CCDC42: variants seen among roughly 807,000 people sequenced by gnomAD.
CCDC42 encodes the protein coiled-coil domain-containing protein 42.
In CCDC42, 38 loss-of-function variants were observed where a neutral mutation model predicts 40.8. The ratio of observed to expected loss-of-function variants is 0.93; its 90% CI spans 0.72 to 1.22. CCDC42 has a LOEUF of 1.22. Among genes scored for constraint, CCDC42 ranks in the 50% most tolerant of loss-of-function variants. CCDC42 has a pLI of 0.00. For missense variants in CCDC42, 379 were observed against 416.5 expected, an observed-to-expected ratio of 0.91 and a Z score of 0.78; for synonymous variants, 135 against 157.5, an observed-to-expected ratio of 0.86 and a Z score of 1.07.
chr17:8,732,204 C>A (rs1194926278), intron 6 of CCDC42, among the ~76,000 whole-genome samples: 1 of 145,354 alleles, frequency 6.9e-6, no homozygotes. Flanking sequence ...GAGGCTGAGG[C>A]AGGAGAATGG....
chr17:8,743,724 GAAACATCTTT>G lies in CCDC42; in HGVS notation c.190-4_195del. 7.3e-7 allele frequency: 1 copy of G among 1,375,730 alleles called. No individual in the cohort carries two copies. Among genetic ancestry groups the G allele is most frequent in the African/African-American group, 1.4e-5 (1 of 70,336 alleles). The allele number at this position is 1,375,730 out of a possible 1,614,324, so 85.2% of individuals were successfully genotyped here. A position where few individuals can be genotyped will look rare whatever the true frequency, so the allele number is the denominator to read the frequency against. Reference sequence around the variant, plus strand: ...AGGTTCAGGGTTTCCATTCTGCGCTGAAACATCTTTGGGGTGGGGGTGGGAGAGCAGAGAG... The same window carrying G: ...AGGTTCAGGGTTTCCATTCTGCGCTGGGGGTGGGGGTGGGAGAGCAGAGAG... On this transcript the variant is annotated splice_acceptor_variant and splice_polypyrimidine_tract_variant and coding_sequence_variant and intron_variant, in exon 3 of 7. Transcript: ENST00000293845. LOFTEE classifies it high-confidence loss of function.
chr17:8,739,700 G>A (rs998148388), intron 4 of CCDC42, among the ~76,000 whole-genome samples: 2 of 152,070 alleles, frequency 1.3e-5, no homozygotes, highest in Non-Finnish European at 2.9e-5. Context: ...TTGCCATCAC[G>A]GCCAGCTAGT....
At chr17:8,741,743 C>A in intron 3 of CCDC42, 72 bp from the exon 4 acceptor site, 1 of 1,471,622 alleles carries the variant, frequency 6.8e-7, no homozygotes, top group Non-Finnish European at 9.3e-7. Flanking sequence ...CTTCCTGGGG[C>A]TGGTGGTGCC....
intron 6 of CCDC42, 152 bp from the exon 7 acceptor site, chr17:8,730,359 T>G: frequency 1.7e-6 from 1 of 573,204 alleles, no homozygotes; most frequent in Non-Finnish European, 3.0e-6. Flanking sequence ...ATTTTTTTGA[T>G]ACAAGAGTCT....
At chr17:8,742,468 A>G (rs1406454136) in intron 3 of CCDC42, among the ~76,000 whole-genome samples, 2 of 152,172 alleles carry the variant, frequency 1.3e-5, no homozygotes, top group Non-Finnish European at 2.9e-5. Flanking sequence ...CAGTTACCGC[A>G]ATCAGTCCAA....
chr17:8,744,475 G>T, intron 1 of CCDC42, 52 bp downstream of exon 1: 2 of 1,433,224 alleles, frequency 1.4e-6, no homozygotes, highest in Non-Finnish European at 2.0e-6. Flanking sequence ...TGGGGTGGGT[G>T]TGAGTGGTCC....
At chr17:8,743,596 G>A (rs751905470) in intron 3 of CCDC42, 30 bp downstream of exon 3, 1 of 1,285,318 alleles carries the variant, frequency 7.8e-7, no homozygotes, top group Non-Finnish European at 1.1e-6. Context: ...GGATCCCCTG[G>A]CCACTGCGGC....
chr17:8,735,048 C>T lies in CCDC42; in HGVS notation c.873+48G>A. Reference sequence around the variant, plus strand: ...TTCCACCCAACCAACTGGCAACCTCCTCGGCCCAGCCGACCCCACGGGCCC... The same window carrying T: ...TTCCACCCAACCAACTGGCAACCTCTTCGGCCCAGCCGACCCCACGGGCCC... On this transcript the variant is annotated intron_variant, in intron 6 of 6. Coordinates refer to ENST00000293845, the MANE Select transcript of CCDC42 (RefSeq NM_144681.3). This position sits in a 1 kb window ranked among gnomAD's most constrained non-coding sequence, Gnocchi z 4.7. 1.2e-6 allele frequency: 2 copies of T among 1,607,340 alleles called. No homozygotes were observed. The highest frequency in any genetic ancestry group is 1.7e-6 in the Non-Finnish European group (2 of 1,175,642).
chr17:8,733,576 C>T (rs1381138748), intron 6 of CCDC42, among the ~76,000 whole-genome samples: 1 of 152,188 alleles, frequency 6.6e-6, no homozygotes, highest in African/African-American at 2.4e-5. Flanking sequence ...CTACAACCTC[C>T]GCCTCCCAGG....
chr17:8,741,414 G>C, intron 4 of CCDC42, 60 bp downstream of exon 4: 1 of 1,526,870 alleles, frequency 6.5e-7, no homozygotes, highest in Non-Finnish European at 9.1e-7. Flanking sequence ...CCAGGCCCCG[G>C]GGAAGAGAGG....
chr17:8,735,678 C>T lies in CCDC42; in HGVS notation c.493-67G>A. ...GGCCTGAGGGAGCCACCCAGTCCTG[C>T]CAACCTCCAGCCTGGATGCCTGGAC... On this transcript the variant is annotated intron_variant, in intron 4 of 6. Transcript: ENST00000293845. This position sits in a 1 kb window ranked among gnomAD's most constrained non-coding sequence, Gnocchi z 4.7. The T allele has an allele frequency of 7.2e-7, 1 of 1,380,116 alleles. No homozygotes were observed. Among genetic ancestry groups the T allele is most frequent in the Non-Finnish European group, 1.0e-6 (1 of 1,003,928 alleles). The allele number at this position is 1,380,116 out of a possible 1,614,324, so 85.5% of individuals were successfully genotyped here.
chr17:8,740,453 C>G (rs1169178955), intron 4 of CCDC42, among the ~76,000 whole-genome samples: 1 of 145,078 alleles, frequency 6.9e-6, no homozygotes, highest in Non-Finnish European at 1.5e-5. Flanking sequence ...CAAGCCACTG[C>G]ACTCCAGGCT....
chr17:8,733,751 A>G (rs2086593350), intron 6 of CCDC42, among the ~76,000 whole-genome samples: 1 of 152,060 alleles, frequency 6.6e-6, no homozygotes, highest in South Asian at 2.1e-4. Context: ...AGCCTCCAAA[A>G]GTGCTGGGAT....
Position 8,735,633 on chromosome 17 carries a change from A to C in CCDC42, c.493-22T>G, listed in dbSNP as rs374114436. Reference sequence around the variant, plus strand: ...CGAACTGTGGTCAGGGGCTCAGGTCAATGCACAGCCAGCCCCTGGGGCCTG... The same window carrying C: ...CGAACTGTGGTCAGGGGCTCAGGTCCATGCACAGCCAGCCCCTGGGGCCTG... On this transcript the variant is annotated intron_variant, in intron 4 of 6. Transcript: ENST00000293845. This position sits in a 1 kb window ranked among gnomAD's most constrained non-coding sequence, Gnocchi z 4.7. The C allele has an allele frequency of 6.2e-7, 1 of 1,601,406 alleles. No homozygotes were observed. The highest frequency in any genetic ancestry group is 1.3e-5 in the African/African-American group (1 of 74,596).
chr17:8,735,315 A>G lies in CCDC42; in HGVS notation c.715-61T>C. ...ATGTGGTGTGTGTGTGTTTGTGTGT[A>G]TGTGTGTGTGTGTATGCTCAGGGCC... On this transcript the variant is annotated intron_variant, in intron 5 of 6. Transcript: ENST00000293845. The surrounding 1 kb of genome is among the most constrained non-coding windows in gnomAD (Gnocchi z 4.7). 7.5e-6 allele frequency: 12 copies of G among 1,601,360 alleles called. No individual in the cohort carries two copies. Among genetic ancestry groups the G allele is most frequent in the Middle Eastern group, 1.7e-4 (1 of 6,026 alleles).
chr17:8,740,349 G>A (rs2086634678), intron 4 of CCDC42, among the ~76,000 whole-genome samples: 2 of 152,064 alleles, frequency 1.3e-5, no homozygotes, highest in Admixed American at 6.5e-5. Flanking sequence ...TTAGCTGGGC[G>A]TGATGGCGGG....
chr17:8,744,794 CG>C lies in CCDC42; in HGVS notation c.-186del. 1.6e-6 allele frequency: 1 copy of C among 609,988 alleles called. No homozygotes were observed. Among genetic ancestry groups the C allele is most frequent in the South Asian group, 1.9e-5 (1 of 52,902 alleles). The allele number at this position is 609,988 out of a possible 1,614,324, so 37.8% of individuals were successfully genotyped here. A position where few individuals can be genotyped will look rare whatever the true frequency, so the allele number is the denominator to read the frequency against. On this transcript the variant is annotated 5_prime_UTR_variant, in exon 1 of 7. It adds an upstream start codon to the 5' untranslated region. Coordinates refer to ENST00000293845, the MANE Select transcript of CCDC42 (RefSeq NM_144681.3). Reference sequence around the variant, plus strand: ...TGGAGACAGGTTGGGCGGCTCAGGACGATGTGCTGGGGCAGTTATGGGAGAT... The same window carrying C: ...TGGAGACAGGTTGGGCGGCTCAGGACATGTGCTGGGGCAGTTATGGGAGAT...
intron 4 of CCDC42, 94 bp downstream of exon 4, chr17:8,741,380 G>A: frequency 3.9e-6 from 5 of 1,274,722 alleles, no homozygotes; most frequent in Non-Finnish European, 5.6e-6. Flanking sequence ...CCAGCCAGCT[G>A]AGCCTGAATT....
chr17:8,736,943 AAGAG>A (rs1273958594), intron 4 of CCDC42, among the ~76,000 whole-genome samples: 1 of 149,480 alleles, frequency 6.7e-6, no homozygotes, highest in Non-Finnish European at 1.5e-5. Flanking sequence ...AGAAGAAAGA[AAGAG>A]GGAAGGAGGA....
Sources: gnomAD v4.1 joint callset for allele counts (sites outside exome capture counted in the v4.1 genomes callset) on GRCh38, gnomAD v4.1.1 for gene constraint, Gnocchi (gnomAD v3.1) non-coding constraint, MANE v1.5 for transcripts, NCBI Gene and HGNC (gene_info 2026-07-23, HGNC 2026-07-21) for gene names.